The following CC2D1B variants were observed in gnomAD, a reference collection of about 807,000 sequenced individuals.
CC2D1B encodes the protein coiled-coil and C2 domain-containing protein 1B.
Under a neutral mutation model 110.8 loss-of-function variants are expected in CC2D1B, and 92 were observed. The ratio of observed to expected loss-of-function variants is 0.83; its 90% CI spans 0.70 to 0.99. CC2D1B has a LOEUF of 0.99. Among genes scored for constraint, CC2D1B ranks in the 50% least tolerant of loss-of-function variants. The pLI is 0.00. For missense variants in CC2D1B, 1,136 were observed against 1,089.0 expected (o/e 1.04, Z -0.61); for synonymous variants, 406 against 429.2 (o/e 0.95, Z 0.67).
At chr1:52,358,205 T>C (rs1646695998) in intron 13 of CC2D1B, 126 bp downstream of exon 13, 2 of 1,379,694 alleles carry the variant, frequency 1.4e-6, no homozygotes, top group South Asian at 3.0e-5. Context: ...GGGCAAGTTT[T>C]TTCTCTGTAC....
intron 5 of CC2D1B, 191 bp downstream of exon 5, chr1:52,360,783 G>A: frequency 1.1e-6 from 1 of 889,612 alleles, no homozygotes; most frequent in East Asian, 2.6e-5. Context: ...GGTAGTCTAG[G>A]AGAACAGAGA....
chr1:52,356,895 A>C, intron 16 of CC2D1B, 106 bp downstream of exon 16: 15 of 1,304,564 alleles, frequency 1.1e-5, no homozygotes, highest in Non-Finnish European at 1.5e-5. Flanking sequence ...AGTAAGTGGA[A>C]GAGCTGAGAA....
intron 16 of CC2D1B, chr1:52,356,760 C>T (rs1646662002): frequency 5.0e-6 from 3 of 598,256 alleles, no homozygotes; most frequent in South Asian, 4.3e-5. Context: ...CATACACGCA[C>T]ATCACAATGT....
intron 7 of CC2D1B, 88 bp downstream of exon 7, chr1:52,359,986 T>C (rs1271539551): frequency 2.6e-6 from 4 of 1,550,644 alleles, no homozygotes; most frequent in Non-Finnish European, 3.5e-6. Context: ...ATGTGACCAA[T>C]GGTAATGAAC....
chr1:52,364,651 G>A lies in CC2D1B; in HGVS notation c.-14-17C>T. ...CCTAGATACCTATGGAAGAGTTACA[G>A]AGATTCAGGCTGGAGTAGCCCATAA... is the stretch of plus-strand genomic sequence containing the variant. On this transcript the variant is annotated splice_polypyrimidine_tract_variant and intron_variant, in intron 1 of 24. Transcript: ENST00000284376. 6.4e-7 allele frequency: 1 copy of A among 1,572,340 alleles called. No individual in the cohort carries two copies. Among genetic ancestry groups the A allele is most frequent in the Non-Finnish European group, 8.7e-7 (1 of 1,145,444 alleles).
rs755197190 is a variant in CC2D1B, at chr1:52,362,663, CTCAGCCTCCAGGTCCTCATCATCT to C, written c.129_152del (p.Asp44_Glu51del). Reference sequence around the variant, plus strand: ...GTGCTTCCCCTGTGAGAGCCAGCAGCTCAGCCTCCAGGTCCTCATCATCTTCAGCCTCATCCATGCCCAGCAGCA... The same window carrying C: ...GTGCTTCCCCTGTGAGAGCCAGCAGCTCAGCCTCATCCATGCCCAGCAGCA... On this transcript the variant is annotated inframe_deletion, in exon 3 of 25. Coordinates refer to ENST00000284376, the MANE Select transcript of CC2D1B (RefSeq NM_001330585.2). 6.2e-7 allele frequency: 1 copy of C among 1,614,216 alleles called. No individual in the cohort carries two copies. Among genetic ancestry groups the C allele is most frequent in the Admixed American group, 1.7e-5 (1 of 60,030 alleles).
At position 52,359,891 on chromosome 1, in the gene CC2D1B, GAAAC is replaced by G. The variant is rs759035923; in HGVS notation, c.764-12_764-9del. 99 of 1,608,504 alleles carry G rather than the reference GAAAC, an allele frequency of 6.2e-5. No homozygotes were observed. Among genetic ancestry groups the G allele is most frequent in the African/African-American group, 1.2e-4 (9 of 74,856 alleles). On this transcript the variant is annotated splice_polypyrimidine_tract_variant and intron_variant, in intron 7 of 24. Transcript: ENST00000284376. Reference sequence around the variant, plus strand: ...CAGGTTGGGAGGGGTTGTCTATAAGGAAACAAACAGTCCCCAGAGAGCACATGAG... The same window carrying G: ...CAGGTTGGGAGGGGTTGTCTATAAGGAAACAGTCCCCAGAGAGCACATGAG...
In CC2D1B at chr1:52,358,350, G is replaced by A. The variant is rs201403934; in HGVS notation, c.1442C>T (p.Ala481Val). Residue 481 changes from alanine to valine, a missense_variant, in exon 13 of 25, where the codon GCT (alanine) becomes GTT (valine). Coordinates refer to ENST00000284376, the MANE Select transcript of CC2D1B (RefSeq NM_001330585.2). ...KLASAEDSAPADKDEDEGEPP... is the reference protein window; with the variant it reads ...KLASAEDSAPVDKDEDEGEPP... ...CCAAACCTCGTCCTCGTCTTTATCA[G>A]CCGGGGCTGAATCCTCTGCAGAGGC... 8.7e-6 allele frequency: 14 copies of A among 1,613,936 alleles called. No individual in the cohort carries two copies. The highest frequency in any genetic ancestry group is 1.0e-5 in the Non-Finnish European group (12 of 1,180,002).
chr1:52,354,316 C>G (rs767071241), intron 23 of CC2D1B: 19 of 602,498 alleles, frequency 3.2e-5, no homozygotes, highest in Non-Finnish European at 5.6e-5. Flanking sequence ...CCTTTCCTCT[C>G]GGACCTGAGT....
Position 52,351,541 on chromosome 1 carries a change from CAATTAAGTG to C in CC2D1B, c.*1675_*1683del, listed in dbSNP as rs1352410824. On this transcript the variant is annotated 3_prime_UTR_variant, in exon 25 of 25. Coordinates refer to ENST00000284376, the MANE Select transcript of CC2D1B (RefSeq NM_001330585.2). ...TTGCTGTGTTGCATACACGTGACTG[CAATTAAGTG>C]TTAAATCTCACATCTGTGGAAGTTT... is the stretch of plus-strand genomic sequence containing the variant. 6.6e-6 allele frequency: 1 copy of C among 152,068 alleles called. No individual in the cohort carries two copies. The highest frequency in any genetic ancestry group is 2.4e-5 in the African/African-American group (1 of 41,412). The allele number at this position is 152,068 out of a possible 1,614,324, so 9.4% of individuals were successfully genotyped here.
chr1:52,357,391 G>A, intron 15 of CC2D1B, 135 bp downstream of exon 15: 1 of 1,030,966 alleles, frequency 9.7e-7, no homozygotes, highest in Non-Finnish European at 1.4e-6. Flanking sequence ...TGAGCAAAAG[G>A]CTCTTTCCCA....
chr1:52,359,468 C>A lies in CC2D1B; in HGVS notation c.1009G>T (p.Ala337Ser), dbSNP rs931054203. The change falls in exon 9 of 25, where the codon GCA becomes TCA. Residue 337 changes from alanine (A) to serine (S), a missense_variant. By Grantham distance (99) the Ala-to-Ser change is moderately conservative. Transcript: ENST00000284376. ...QPVDLSAMPPAPEDLKPQQAS... is the reference protein window; with the variant it reads ...QPVDLSAMPPSPEDLKPQQAS... The stretch of plus-strand genomic sequence containing the variant: ...GAAGATACATACTGACCCTCAGGTG[C>A]CGGGGGCATGGCACTCAGATCCACG... 6.2e-7 allele frequency: 1 copy of A among 1,614,112 alleles called. No individual in the cohort carries two copies. The highest frequency in any genetic ancestry group is 1.6e-4 in the Middle Eastern group (1 of 6,062).
chr1:52,356,244 C>G lies in CC2D1B; in HGVS notation c.1996G>C (p.Ala666Pro). The change falls in exon 18 of 25, where the codon GCT becomes CCT. Residue 666 changes from alanine (A) to proline (P), a missense_variant. Ala to Pro is a conservative substitution (Grantham distance 27, BLOSUM62 -1). Coordinates refer to ENST00000284376, the MANE Select transcript of CC2D1B (RefSeq NM_001330585.2). ...TGGGTGGGAGGGTCGAGGCCCTGAG[C>G]CTGGGCCAGCTGCAGGATCTCCAGC... ...KQLEILQLAQ[A>P]QGLDPPTHHF... 2 of 1,614,202 alleles carry G rather than the reference C, an allele frequency of 1.2e-6. No homozygotes were observed. The highest frequency in any genetic ancestry group is 1.7e-6 in the Non-Finnish European group (2 of 1,180,032).
chr1:52,364,248 G>C (rs1251189907), intron 2 of CC2D1B, among the ~76,000 whole-genome samples: 1 of 152,174 alleles, frequency 6.6e-6, no homozygotes, highest in East Asian at 1.9e-4. Context: ...TCCTCCCACT[G>C]ACTACAGCCC....
Position 52,359,857 on chromosome 1 carries a change from G to A in CC2D1B, c.790C>T (p.Leu264Phe), listed in dbSNP as rs752849138. ...SDNPSQPETS[L>F]PGISAQPVSD... The stretch of plus-strand genomic sequence containing the variant: ...ACGGGCTGGGCAGAAATGCCAGGGA[G>A]GCTGGTCTCAGGTTGGGAGGGGTTG... The change falls in exon 8 of 25, where the codon CTC becomes TTC. Residue 264 changes from leucine to phenylalanine, a missense_variant. Leu to Phe is a conservative substitution (Grantham distance 22). Coordinates refer to ENST00000284376, the MANE Select transcript of CC2D1B (RefSeq NM_001330585.2). 1.2e-6 allele frequency: 2 copies of A among 1,612,216 alleles called. No individual in the cohort carries two copies. The highest frequency in any genetic ancestry group is 1.1e-5 in the South Asian group (1 of 90,606).
Position 52,357,007 on chromosome 1 carries a change from T to A in CC2D1B, c.1872A>T (p.Gln624His). ...YAQLQKMLLEQQEKCLLFSKQ... is the reference protein window; with the variant it reads ...YAQLQKMLLEHQEKCLLFSKQ... The stretch of plus-strand genomic sequence containing the variant: ...AGACGAGGGGCCTGCTGACCTCTTG[T>A]TGCTCCAGAAGCATTTTTTGCAGCT... Residue 624 changes from glutamine (Q) to histidine (H), a missense_variant, in exon 16 of 25, where the codon CAA becomes CAT. Coordinates refer to ENST00000284376, the MANE Select transcript of CC2D1B (RefSeq NM_001330585.2). 1 of 1,555,428 alleles carries A rather than the reference T, an allele frequency of 6.4e-7. No homozygotes were observed. The highest frequency in any genetic ancestry group is 8.7e-7 in the Non-Finnish European group (1 of 1,149,112).
intron 16 of CC2D1B, 147 bp downstream of exon 16, chr1:52,356,854 G>A: frequency 2.2e-6 from 2 of 906,268 alleles, no homozygotes; most frequent in Non-Finnish European, 3.3e-6. Context: ...GTAGTTCAGA[G>A]AAGAAAGTGC....
chr1:52,358,375 C>G lies in CC2D1B; in HGVS notation c.1417G>C (p.Ala473Pro). The change falls in exon 13 of 25, where the codon GCC (alanine) becomes CCC (proline). Residue 473 changes from alanine (A) to proline (P), a missense_variant. Physicochemically the swap from Ala to Pro is conservative, Grantham distance 27. Coordinates refer to ENST00000284376, the MANE Select transcript of CC2D1B (RefSeq NM_001330585.2). ...AATLAAAEKL[A>P]SAEDSAPADK... is the part of the protein sequence containing the mutation. Reference sequence around the variant, plus strand: ...GCCGGGGCTGAATCCTCTGCAGAGGCCAGTTTCTCTGCAGCTGCCAATGTC... The same window carrying G: ...GCCGGGGCTGAATCCTCTGCAGAGGGCAGTTTCTCTGCAGCTGCCAATGTC... 2 of 1,614,178 alleles carry G rather than the reference C, an allele frequency of 1.2e-6. No individual in the cohort carries two copies. Among genetic ancestry groups the G allele is most frequent in the African/African-American group, 2.7e-5 (2 of 75,040 alleles).
chr1:52,359,083 G>A lies in CC2D1B; in HGVS notation c.1201C>T (p.Gln401Ter), dbSNP rs1195997565. ...RLNKYREAGIQARSGGDERKA... is the reference protein window; with the variant it reads ...RLNKYREAGI Reference sequence around the variant, plus strand: ...CGCTCGTCCCCACCACTCCGGGCCTGGATGCCCGCCTCGCGGTACTTGTTC... The same window carrying A: ...CGCTCGTCCCCACCACTCCGGGCCTAGATGCCCGCCTCGCGGTACTTGTTC... Residue 401 changes from glutamine to a stop codon, truncating the protein, a stop_gained, in exon 11 of 25, where the codon CAG (glutamine) becomes TAG (stop). Transcript: ENST00000284376. LOFTEE classifies it high-confidence loss of function. 1.2e-6 allele frequency: 2 copies of A among 1,609,562 alleles called. No homozygotes were observed. The highest frequency in any genetic ancestry group is 1.6e-4 in the Middle Eastern group (1 of 6,062).
Sources: gnomAD v4.1 joint callset for allele counts (sites outside exome capture counted in the v4.1 genomes callset) on GRCh38, gnomAD v4.1.1 for gene constraint, MANE v1.5 for transcripts, NCBI Gene and HGNC (gene_info 2026-07-23, HGNC 2026-07-21) for gene names.